IKBKB: variants seen among roughly 807,000 people sequenced by gnomAD.
The protein encoded by IKBKB is inhibitor of nuclear factor kappa B kinase subunit beta.
A neutral mutation model predicts 113.6 loss-of-function variants in IKBKB; 42 were observed. The observed-to-expected ratio is 0.37, with a 90% CI of 0.29 to 0.48. The LOEUF (loss-of-function observed/expected upper bound fraction) is 0.48, where lower values mean the gene tolerates loss of function less well. Among genes scored for constraint, IKBKB ranks in the 20% least tolerant of loss-of-function variants. IKBKB has a pLI of 0.99. For synonymous variants in IKBKB, 296 were observed against 361.3 expected (o/e 0.82, Z 2.05); for missense variants, 673 against 939.7 (o/e 0.72, Z 3.71).
At chr8:42,288,339 A>G (rs1290888619) in intron 2 of IKBKB, among the ~76,000 whole-genome samples, 1 of 151,526 alleles carries the variant, frequency 6.6e-6, no homozygotes, top group Non-Finnish European at 1.5e-5. Flanking sequence ...GTGAGCTGAG[A>G]TTGTGCCAGT....
Position 42,318,644 on chromosome 8 carries a change from A to C in IKBKB, c.1333A>C (p.Asn445His), listed in dbSNP as rs1819161805. 6.2e-7 allele frequency: 1 copy of C among 1,613,682 alleles called. No individual in the cohort carries two copies. The highest frequency in any genetic ancestry group is 1.7e-5 in the Admixed American group (1 of 60,010). ...HSIQTLKEDC[N>H]RLQQGQRAAM... ...CATCCAGACCCTGAAGGAAGATTGC[A>C]ACCGGCTGCAGCAGGGACAGCGAGC... The change falls in exon 13 of 22, where the codon AAC becomes CAC. Residue 445 changes from asparagine to histidine, a missense_variant. This residue lies in a region of IKBKB where 506 missense variants were observed against 638.7 expected (regional missense o/e 0.79). Coordinates refer to ENST00000520810, the MANE Select transcript of IKBKB (RefSeq NM_001556.3).
intron 21 of IKBKB, 195 bp downstream of exon 21, chr8:42,329,409 G>C: frequency 1.0e-6 from 1 of 989,082 alleles, no homozygotes; most frequent in Non-Finnish European, 1.3e-6. Flanking sequence ...TGCAACCTCC[G>C]CTTCCCGGGT....
chr8:42,311,563 CAAAAAA>C lies in IKBKB; in HGVS notation c.692+2548_692+2553del, dbSNP rs56282608. Among the ~76,000 whole-genome samples, 49 of 114,046 alleles carry C rather than the reference CAAAAAA, an allele frequency of 4.3e-4. No homozygotes were observed. The South Asian group carries it at 8.0e-3, about 19-fold the overall frequency. The allele number at this position is 114,046 out of a possible 152,430, so 74.8% of individuals were successfully genotyped here. A position where few individuals can be genotyped will look rare whatever the true frequency, so the allele number is the denominator to read the frequency against. ...GCAACAGAGCAAGACTCCATCTTAC[CAAAAAA>C]AAAAAAAAAGAAAAAAGAAAAGAAA... On this transcript the variant is annotated intron_variant, in intron 8 of 21. Coordinates refer to ENST00000520810, the MANE Select transcript of IKBKB (RefSeq NM_001556.3).
intron 2 of IKBKB, among the ~76,000 whole-genome samples, chr8:42,286,330 A>G (rs1446273642): frequency 6.6e-6 from 1 of 152,020 alleles, no homozygotes; most frequent in Non-Finnish European, 1.5e-5. Flanking sequence ...CTTCTGGTGT[A>G]TGTGGAGGTT....
intron 2 of IKBKB, 70 bp from the exon 3 acceptor site, chr8:42,288,564 C>T: frequency 1.6e-6 from 2 of 1,231,788 alleles, no homozygotes; most frequent in Non-Finnish European, 1.2e-6. Context: ...GAGACCCCTC[C>T]CATGCAGCAG....
At chr8:42,291,745 C>T (rs1394187715) in intron 4 of IKBKB, among the ~76,000 whole-genome samples, 1 of 151,998 alleles carries the variant, frequency 6.6e-6, no homozygotes, top group Non-Finnish European at 1.5e-5. Context: ...GGGCAACATA[C>T]CAAGGCCCTG....
intron 2 of IKBKB, among the ~76,000 whole-genome samples, chr8:42,279,718 T>G (rs1178772330): frequency 6.6e-6 from 1 of 152,092 alleles, no homozygotes; most frequent in Non-Finnish European, 1.5e-5. Flanking sequence ...ACCTCATGCT[T>G]TTTCCATTGT....
chr8:42,277,274 C>T (rs1421272112), intron 2 of IKBKB, among the ~76,000 whole-genome samples: 1 of 151,312 alleles, frequency 6.6e-6, no homozygotes, highest in African/African-American at 2.4e-5. Flanking sequence ...CCTCTGCCTC[C>T]TGTGTTCAAG....
chr8:42,315,222 G>A (rs1049916097), intron 9 of IKBKB, among the ~76,000 whole-genome samples: 4 of 152,174 alleles, frequency 2.6e-5, no homozygotes, highest in African/African-American at 7.2e-5. Flanking sequence ...GGGTAACAGT[G>A]CAAAAGAAAG....
At chr8:42,306,492 G>A (rs924017859) in intron 7 of IKBKB, 60 bp downstream of exon 7, 38 of 1,137,246 alleles carry the variant, frequency 3.3e-5, no homozygotes, top group Admixed American at 2.2e-4. Flanking sequence ...CATTTGTGGG[G>A]CTCCTGTCCT....
intron 19 of IKBKB, among the ~76,000 whole-genome samples, chr8:42,322,930 G>A (rs1158529469): frequency 1.3e-5 from 2 of 152,034 alleles, no homozygotes; most frequent in African/African-American, 2.4e-5. Context: ...AAAAACAAAC[G>A]TGTTATCTGA....
At chr8:42,308,418 C>T (rs1816988412) in intron 7 of IKBKB, among the ~76,000 whole-genome samples, 1 of 151,974 alleles carries the variant, frequency 6.6e-6, no homozygotes, top group Non-Finnish European at 1.5e-5. Flanking sequence ...GTGCCTCAGC[C>T]TCCTGAATAG....
At chr8:42,299,788 G>A (rs1814772358) in intron 5 of IKBKB, among the ~76,000 whole-genome samples, 1 of 152,198 alleles carries the variant, frequency 6.6e-6, no homozygotes, top group South Asian at 2.1e-4. Context: ...CGTCCTTTGG[G>A]CACAGCTGCA....
intron 2 of IKBKB, among the ~76,000 whole-genome samples, chr8:42,274,784 G>GCCACCCCCCCCCCCCCCCC (rs1563290444): frequency 2.4e-5 from 1 of 41,722 alleles, no homozygotes; most frequent in African/African-American, 4.2e-5. Flanking sequence ...CCCCGCCGGC[G>GCCACCCCCCCCCCCCCCCC]CGCCCCCCCC....
chr8:42,296,737 T>C (rs1028115972), intron 5 of IKBKB, among the ~76,000 whole-genome samples: 2 of 152,054 alleles, frequency 1.3e-5, no homozygotes, highest in African/African-American at 4.8e-5. Flanking sequence ...TAAAATCAAA[T>C]GTCCACACAT....
intron 11 of IKBKB, chr8:42,317,206 T>G: frequency 3.4e-6 from 1 of 295,374 alleles, no homozygotes; most frequent in Non-Finnish European, 5.8e-6. Context: ...CTTCCAAGTG[T>G]ACTAAAAAAA....
At chr8:42,276,763 C>CG (rs1381044830) in intron 2 of IKBKB, among the ~76,000 whole-genome samples, 1 of 150,536 alleles carries the variant, frequency 6.6e-6, no homozygotes, top group African/African-American at 2.4e-5. Context: ...GGTGCGATCT[C>CG]GGGTCACTGC....
At chr8:42,286,860 C>T (rs1325698648) in intron 2 of IKBKB, among the ~76,000 whole-genome samples, 5 of 152,226 alleles carry the variant, frequency 3.3e-5, no homozygotes, top group Non-Finnish European at 5.9e-5. Context: ...AAATCTTCTC[C>T]TACTGCTGGG....
At chr8:42,317,386 A>G (rs559716589) in intron 11 of IKBKB, among the ~76,000 whole-genome samples, 61 of 152,328 alleles carry the variant, frequency 4.0e-4, no homozygotes, top group South Asian at 8.3e-4. Context: ...CATATGAGAA[A>G]TAATCATTGC....
Sources: gnomAD v4.1 joint callset for allele counts (sites outside exome capture counted in the v4.1 genomes callset) on GRCh38, gnomAD v4.1.1 for gene constraint, gnomAD v4.1.1 regional missense constraint, MANE v1.5 for transcripts, NCBI Gene and HGNC (gene_info 2026-07-23, HGNC 2026-07-21) for gene names.